VWA8: variants seen among roughly 807,000 people sequenced by gnomAD.
VWA8 encodes von Willebrand factor A domain containing 8, also known as von Willebrand factor A domain-containing protein 8.
Under a neutral mutation model 241.5 loss-of-function variants are expected in VWA8, and 221 were observed. That is an observed-to-expected ratio of 0.91 (90% CI 0.82 to 1.02). The LOEUF (loss-of-function observed/expected upper bound fraction) is 1.02, where lower values mean the gene tolerates loss of function less well. Among genes scored for constraint, VWA8 ranks in the 50% least tolerant of loss-of-function variants. VWA8 has a pLI of 0.00. For synonymous variants in VWA8, 852 were observed against 827.1 expected (o/e 1.03, Z -0.52); for missense variants, 2,322 against 2,328.7 (o/e 1.00, Z 0.06).
chr13:41,913,461 C>G (rs771958355), intron 2 of VWA8, among the ~76,000 whole-genome samples: 1 of 152,142 alleles, frequency 6.6e-6, no homozygotes, highest in African/African-American at 2.4e-5. Context: ...ATATTCCACA[C>G]GTGCTAAACT....
intron 23 of VWA8, among the ~76,000 whole-genome samples, chr13:41,729,066 GA>G (rs1490992125): frequency 2.0e-4 from 31 of 152,106 alleles, no homozygotes; most frequent in African/African-American, 5.8e-4. Context: ...GTGTGTGTGG[GA>G]GGGGGGCAGG....
intron 30 of VWA8, 119 bp from the exon 31 acceptor site, chr13:41,692,057 A>C: frequency 3.2e-6 from 2 of 634,258 alleles, no homozygotes; most frequent in East Asian, 2.7e-5. Flanking sequence ...TGTAATTCTC[A>C]AACAAGCTAT....
chr13:41,944,401 CTG>C (rs1266438359), intron 2 of VWA8, among the ~76,000 whole-genome samples: 1 of 152,070 alleles, frequency 6.6e-6, no homozygotes, highest in Non-Finnish European at 1.5e-5. Flanking sequence ...GGGTCTCACT[CTG>C]TTGTTCAAGC....
chr13:41,820,948 G>C (rs1475898253), intron 14 of VWA8, among the ~76,000 whole-genome samples: 1 of 152,218 alleles, frequency 6.6e-6, no homozygotes, highest in African/African-American at 2.4e-5. Flanking sequence ...GAGAGAAAGA[G>C]CCTGGTTTGG....
rs577927021 is a variant in VWA8, at chr13:41,595,388, T to G, written c.4987-4623A>C. On this transcript the variant is annotated intron_variant, in intron 40 of 44. Transcript: ENST00000379310. ...AATCTGCTGCCTTTTTCTTTCTTTT[T>G]GGGGGTTAACTTTTCAAGTTTAAGT... 3.3e-4 allele frequency among the ~76,000 whole-genome samples: 51 copies of G among 152,246 alleles called. 1 individual carries two copies. The South Asian group carries it at 0.01, about 31-fold the overall frequency.
chr13:41,597,287 T>C (rs996572537), intron 40 of VWA8, among the ~76,000 whole-genome samples: 25 of 152,216 alleles, frequency 1.6e-4, no homozygotes, highest in South Asian at 2.1e-4. Flanking sequence ...CAAATAATTA[T>C]TGGATTAAGG....
chr13:41,701,296 T>A, intron 28 of VWA8, 96 bp downstream of exon 28: 1 of 1,381,374 alleles, frequency 7.2e-7, no homozygotes, highest in Non-Finnish European at 9.6e-7. Flanking sequence ...AGACACCAAG[T>A]CTATCATAAA....
At chr13:41,690,705 T>G (rs1327542882) in intron 32 of VWA8, among the ~76,000 whole-genome samples, 2 of 152,144 alleles carry the variant, frequency 1.3e-5, no homozygotes, top group Non-Finnish European at 2.9e-5. Context: ...AAAATATGGA[T>G]GTATATATAG....
intron 35 of VWA8, among the ~76,000 whole-genome samples, chr13:41,678,113 AT>A (rs1423097328): frequency 1.3e-5 from 2 of 152,164 alleles, no homozygotes; most frequent in East Asian, 1.9e-4. Context: ...TTATTAAACC[AT>A]TGTGGGCCTC....
chr13:41,806,005 A>T (rs11839213), intron 17 of VWA8, among the ~76,000 whole-genome samples: 14,323 of 106,842 alleles, frequency 0.13, 898 homozygotes, highest in African/African-American at 0.23. Context: ...CAAAAATAAA[A>T]AAAAAAAAAA....
rs1467763401 is a variant in VWA8, at chr13:41,637,392, A to G, written c.4612-22308T>C. ...AACACGTGGACACAGGAAGGGGAAC[A>G]TCACACTCTGGGGCCTGTTGTGGGG... On this transcript the variant is annotated intron_variant, in intron 37 of 44. Coordinates refer to ENST00000379310, the MANE Select transcript of VWA8 (RefSeq NM_015058.2). Among the ~76,000 whole-genome samples, 4 of 125,008 alleles carry G rather than the reference A, an allele frequency of 3.2e-5. No homozygotes were observed. The East Asian group carries it at 9.7e-4, about 30-fold the overall frequency. The allele number at this position is 125,008 out of a possible 152,430, so 82.0% of individuals were successfully genotyped here. A position where few individuals can be genotyped will look rare whatever the true frequency, so the allele number is the denominator to read the frequency against.
chr13:41,906,565 A>G (rs1056650475), intron 4 of VWA8, among the ~76,000 whole-genome samples: 6 of 152,142 alleles, frequency 3.9e-5, no homozygotes, highest in Non-Finnish European at 7.4e-5. Context: ...AGAGTATTCT[A>G]CTTACCATTA....
intron 12 of VWA8, among the ~76,000 whole-genome samples, chr13:41,848,521 TAGTG>T (rs1296182400): frequency 3.3e-5 from 5 of 152,154 alleles, no homozygotes; most frequent in African/African-American, 4.8e-5. Flanking sequence ...GTTCTTGTGA[TAGTG>T]AGTGAGTTCT....
At chr13:41,932,000 A>G (rs1248234142) in intron 2 of VWA8, among the ~76,000 whole-genome samples, 1 of 152,152 alleles carries the variant, frequency 6.6e-6, no homozygotes, top group Non-Finnish European at 1.5e-5. Context: ...AACACAAAGA[A>G]AAATGAATGA....
intron 20 of VWA8, among the ~76,000 whole-genome samples, chr13:41,773,011 T>C (rs567633102): frequency 1.3e-5 from 2 of 152,320 alleles, no homozygotes; most frequent in African/African-American, 2.4e-5. Context: ...ATTTCTTTCA[T>C]AGAGTTCAGC....
At chr13:41,613,221 T>C (rs1252629224) in intron 38 of VWA8, among the ~76,000 whole-genome samples, 1 of 152,216 alleles carries the variant, frequency 6.6e-6, no homozygotes, top group East Asian at 1.9e-4. Context: ...AGGTAGGTCA[T>C]TTCCTTTTGG....
chr13:41,577,607 C>T (rs998425689), intron 42 of VWA8, among the ~76,000 whole-genome samples: 5 of 152,146 alleles, frequency 3.3e-5, no homozygotes, highest in South Asian at 2.1e-4. Flanking sequence ...GATTTGACAA[C>T]GGTCATGGCA....
At chr13:41,863,455 TCA>T (rs150069827) in intron 12 of VWA8, among the ~76,000 whole-genome samples, 11 of 87,166 alleles carry the variant, frequency 1.3e-4, no homozygotes, top group South Asian at 4.2e-4. Context: ...ATATATATAT[TCA>T]CACACACACA....
At chr13:41,916,490 T>A (rs1319982475) in intron 2 of VWA8, among the ~76,000 whole-genome samples, 1 of 152,268 alleles carries the variant, frequency 6.6e-6, no homozygotes, top group South Asian at 2.1e-4. Context: ...ATCAATGGTA[T>A]GTTTTATTCC....
Sources: gnomAD v4.1 joint callset for allele counts (sites outside exome capture counted in the v4.1 genomes callset) on GRCh38, gnomAD v4.1.1 for gene constraint, MANE v1.5 for transcripts, NCBI Gene and HGNC (gene_info 2026-07-23, HGNC 2026-07-21) for gene names.